Variants in EGF observed in about 807,000 individuals in gnomAD.
The protein encoded by EGF is pro-epidermal growth factor.
In EGF, 95 loss-of-function variants were observed where a neutral mutation model predicts 143.8. The observed-to-expected ratio is 0.66, with a 90% confidence interval of 0.56 to 0.78. The LOEUF is 0.78. Among genes scored for constraint, EGF ranks in the 30% least tolerant of loss-of-function variants. The pLI is 0.00. For synonymous variants in EGF, 510 were observed against 510.5 expected (o/e 1.00, Z 0.01); for missense variants, 1,320 against 1,470.9 (o/e 0.90, Z 1.68).
At chr4:109,926,814 A>G (rs1738755756) in intron 1 of EGF, among the ~76,000 whole-genome samples, 1 of 152,254 alleles carries the variant, frequency 6.6e-6, no homozygotes, top group Non-Finnish European at 1.5e-5. Flanking sequence ...TGATGTTTTA[A>G]CAAGTGAGAA....
chr4:109,959,990 A>G (rs1371756107), intron 6 of EGF, among the ~76,000 whole-genome samples: 1 of 152,210 alleles, frequency 6.6e-6, no homozygotes, highest in Non-Finnish European at 1.5e-5. Context: ...TGATGAAAAG[A>G]ATCCAATGGC....
At chr4:110,009,222 TA>T (rs1388722537) in intron 23 of EGF, among the ~76,000 whole-genome samples, 4 of 152,194 alleles carry the variant, frequency 2.6e-5, no homozygotes, top group African/African-American at 9.6e-5. Context: ...AAGGTACACT[TA>T]AAAATTGAAT....
intron 1 of EGF, among the ~76,000 whole-genome samples, chr4:109,933,663 A>C (rs1198290650): frequency 6.6e-6 from 1 of 152,120 alleles, no homozygotes; most frequent in Non-Finnish European, 1.5e-5. Flanking sequence ...ATGAGTGAGA[A>C]CATGCGGTGT....
Position 109,923,297 on chromosome 4 carries a change from C to T in EGF, c.127+9835C>T, listed in dbSNP as rs188680396. Among the ~76,000 whole-genome samples the T allele has an allele frequency of 2.5e-3, 379 of 151,650 alleles. 12 individuals are homozygous for T. Among genetic ancestry groups the T allele is most frequent in the African/African-American group, 8.6e-3 (354 of 40,974 alleles). On this transcript the variant is annotated intron_variant, in intron 1 of 23. Transcript: ENST00000265171. ...GGCTCAGGAAATAGCAATACGCCAA[C>T]ACTTCTTAATTTTACCTCATTTTTG...
intron 18 of EGF, among the ~76,000 whole-genome samples, chr4:109,991,680 G>A (rs1253287776): frequency 6.6e-6 from 1 of 152,190 alleles, no homozygotes; most frequent in South Asian, 2.1e-4. Context: ...CAAAACTGTT[G>A]TATTTGATAT....
chr4:109,918,967 G>A (rs763076410), intron 1 of EGF, among the ~76,000 whole-genome samples: 9 of 152,042 alleles, frequency 5.9e-5, no homozygotes, highest in African/African-American at 1.4e-4. Context: ...CACCTTGGCC[G>A]CTTTCCTGGG....
chr4:109,952,744 T>C (rs544443049), intron 5 of EGF, among the ~76,000 whole-genome samples: 1 of 152,348 alleles, frequency 6.6e-6, no homozygotes, highest in East Asian at 1.9e-4. Flanking sequence ...TTTACAAGGA[T>C]ACATGCCATT....
At chr4:109,945,865 C>T (rs1201291880) in intron 5 of EGF, among the ~76,000 whole-genome samples, 2 of 152,124 alleles carry the variant, frequency 1.3e-5, no homozygotes, top group Admixed American at 6.6e-5. Flanking sequence ...ATTGCCAGGC[C>T]GTAAGGATCT....
At chr4:109,961,038 A>G (rs928030455) in intron 7 of EGF, 49 bp downstream of exon 7, 14 of 1,606,726 alleles carry the variant, frequency 8.7e-6, no homozygotes, top group African/African-American at 5.4e-5. Flanking sequence ...TTCATTTTCA[A>G]TATGTTTCTA....
chr4:110,011,231 G>C lies in EGF; in HGVS notation c.3400G>C (p.Glu1134Gln), dbSNP rs758699867. 2.5e-6 allele frequency: 4 copies of C among 1,613,480 alleles called. No homozygotes were observed. Among genetic ancestry groups the C allele is most frequent in the Non-Finnish European group, 3.4e-6 (4 of 1,179,990 alleles). Reference protein sequence around the residue: ...GSMQPTSWRQEPQLCGMGTEQ... With the variant: ...GSMQPTSWRQQPQLCGMGTEQ... ...AATGCAACCAACTTCATGGAGGCAG[G>C]AGCCCCAGTTATGTGGAATGGGCAC... is the stretch of plus-strand genomic sequence containing the variant. The change falls in exon 24 of 24, where the codon GAG (glutamate) becomes CAG (glutamine). Residue 1134 changes from glutamate (E) to glutamine (Q), a missense_variant. Around this residue, in one of 5 missense-constraint regions of EGF, gnomAD observed 1,186 missense variants for 1,313.7 expected, o/e 0.90. Transcript: ENST00000265171.
At chr4:109,931,782 T>C (rs1354970055) in intron 1 of EGF, among the ~76,000 whole-genome samples, 1 of 152,246 alleles carries the variant, frequency 6.6e-6, no homozygotes, top group African/African-American at 2.4e-5. Context: ...TGGGTGATTA[T>C]TTTAAACAAA....
At chr4:109,955,514 A>G (rs565341913) in intron 5 of EGF, among the ~76,000 whole-genome samples, 2 of 152,332 alleles carry the variant, frequency 1.3e-5, no homozygotes, top group East Asian at 3.9e-4. Context: ...TCATCAGCAC[A>G]ACTAGGCAGA....
intron 1 of EGF, among the ~76,000 whole-genome samples, chr4:109,929,873 A>G (rs1231344969): frequency 6.6e-6 from 1 of 152,192 alleles, no homozygotes; most frequent in African/African-American, 2.4e-5. Flanking sequence ...TGTGCTTGAT[A>G]TGGTTGGCTG....
rs1744507717 is a variant in EGF at position 109,954,670 on chromosome 4, A to G, written c.941-4642A>G. On this transcript the variant is annotated intron_variant, in intron 5 of 23. Transcript: ENST00000265171. ...GAAGCAAAAATATAGCCACGTTTTT[A>G]TAGACATTTCATAAAACTAACATAT... Among the ~76,000 whole-genome samples the G allele has an allele frequency of 2.0e-5, 3 of 152,242 alleles. No homozygotes were observed. The South Asian group carries it at 6.2e-4, about 32-fold the overall frequency.
intron 7 of EGF, 88 bp downstream of exon 7, chr4:109,961,077 T>TGAAGATCAC: frequency 6.9e-7 from 1 of 1,439,616 alleles, no homozygotes; most frequent in Non-Finnish European, 9.7e-7. Context: ...TTGGTGATCT[T>TGAAGATCAC]CAATCAGCAG....
At chr4:109,935,083 T>C (rs2125986271) in intron 1 of EGF, among the ~76,000 whole-genome samples, 1 of 152,326 alleles carries the variant, frequency 6.6e-6, no homozygotes, top group East Asian at 1.9e-4. Context: ...AAGTAGTTTT[T>C]TCCAATTCTG....
rs574122349 is a variant in EGF, at chr4:109,965,029, G to A, written c.1575+492G>A. Reference sequence around the variant, plus strand: ...AGGGAACGTAAGTTTTATAGCTCATGTGAGAATGGCAATCTAACTAATAAC... The same window carrying A: ...AGGGAACGTAAGTTTTATAGCTCATATGAGAATGGCAATCTAACTAATAAC... On this transcript the variant is annotated intron_variant, in intron 10 of 23. Transcript: ENST00000265171. 1.9e-3 allele frequency among the ~76,000 whole-genome samples: 283 copies of A among 152,244 alleles called. 1 individual carries two copies. The highest frequency in any genetic ancestry group is 6.5e-3 in the African/African-American group (271 of 41,568).
intron 22 of EGF, among the ~76,000 whole-genome samples, chr4:110,007,713 A>G (rs41391347): frequency 3.0e-4 from 45 of 152,304 alleles, no homozygotes; most frequent in African/African-American, 1.1e-3. Flanking sequence ...ATTACTCAGA[A>G]CTTGGTAGCA....
intron 10 of EGF, chr4:109,968,748 A>G (rs1337596765): frequency 7.6e-6 from 4 of 523,244 alleles, no homozygotes; most frequent in Admixed American, 3.3e-5. Flanking sequence ...TGATATTATT[A>G]TCCTTATTTT....
Sources: gnomAD v4.1 joint callset for allele counts (sites outside exome capture counted in the v4.1 genomes callset) on GRCh38, gnomAD v4.1.1 for gene constraint, gnomAD v4.1.1 regional missense constraint, MANE v1.5 for transcripts, NCBI Gene and HGNC (gene_info 2026-07-23, HGNC 2026-07-21) for gene names.